UMODL1: variants seen among roughly 807,000 people sequenced by gnomAD.
UMODL1 encodes the protein uromodulin-like 1.
In UMODL1, 128 loss-of-function variants were observed where a neutral mutation model predicts 136.3. That is an observed-to-expected ratio of 0.94 (90% CI 0.81 to 1.09). UMODL1 has a LOEUF of 1.09. Among genes scored for constraint, UMODL1 ranks in the 50% least tolerant of loss-of-function variants. The pLI, the probability that UMODL1 is intolerant of heterozygous loss-of-function variation, is 0.00. For missense variants in UMODL1, 1,766 were observed against 1,725.6 expected, an observed-to-expected ratio of 1.02 and a Z score of -0.41; for synonymous variants, 721 against 720.0, an observed-to-expected ratio of 1.00 and a Z score of -0.02.
intron 2 of UMODL1, among the ~76,000 whole-genome samples, chr21:42,083,735 T>A (rs1230552858): frequency 6.6e-6 from 1 of 152,110 alleles, no homozygotes. Flanking sequence ...AAATATTGAA[T>A]GAATGAATGA....
In UMODL1 at chr21:42,099,569, A is replaced by T. The variant is rs990477916; in HGVS notation, c.1186+389A>T. Reference sequence around the variant, plus strand: ...CCTGCCCGCTTACCCAGCAGCACTGAGGCCGTCTAAGTTCCCTCCCCGAGA... The same window carrying T: ...CCTGCCCGCTTACCCAGCAGCACTGTGGCCGTCTAAGTTCCCTCCCCGAGA... On this transcript the variant is annotated intron_variant, in intron 7 of 22. Transcript: ENST00000408910. This position sits in a 1 kb window ranked among gnomAD's most constrained non-coding sequence, Gnocchi z 4.1. Among the ~76,000 whole-genome samples, 16 of 152,192 alleles carry T rather than the reference A, an allele frequency of 1.1e-4. No homozygotes were observed. The highest frequency in any genetic ancestry group is 1.5e-5 in the Non-Finnish European group (1 of 68,030).
rs778288858 is a variant in UMODL1 at position 42,115,874 on chromosome 21, A to C, written c.2364A>C (p.Ala788=). ...ATGTGCTTATCCTCCATCCTGCAGC[A>C]GCCCGGAAGCTCATTGGAAAGGTCA... ...GARAHLKVRT[A]ARKLIGKVRI... Residue 788 remains alanine, a splice_region_variant and synonymous_variant, in exon 14 of 23, where the codon GCA becomes GCC. Coordinates refer to ENST00000408910, the MANE Select transcript of UMODL1 (RefSeq NM_001004416.3). The C allele has an allele frequency of 6.2e-7, 1 of 1,613,642 alleles. No homozygotes were observed. Among genetic ancestry groups the C allele is most frequent in the Non-Finnish European group, 8.5e-7 (1 of 1,179,606 alleles).
At chr21:42,113,332 G>A (rs2066860951) in intron 12 of UMODL1, among the ~76,000 whole-genome samples, 1 of 151,938 alleles carries the variant, frequency 6.6e-6, no homozygotes, top group South Asian at 2.1e-4. Flanking sequence ...ACCATCTGCT[G>A]AAACAAAACA....
intron 9 of UMODL1, chr21:42,108,472 A>C (rs2066756188): frequency 2.2e-6 from 1 of 455,866 alleles, no homozygotes; most frequent in Admixed American, 2.4e-5. Context: ...GAAGCACAAC[A>C]GAAAAAAACC....
At chr21:42,087,176 C>T (rs970902171) in intron 4 of UMODL1, among the ~76,000 whole-genome samples, 4 of 152,160 alleles carry the variant, frequency 2.6e-5, no homozygotes, top group African/African-American at 9.7e-5. Flanking sequence ...CTCCAACCAG[C>T]CCATTACCCC....
At chr21:42,077,571 C>A (rs376711059) in intron 2 of UMODL1, among the ~76,000 whole-genome samples, 2 of 152,266 alleles carry the variant, frequency 1.3e-5, no homozygotes, top group African/African-American at 4.8e-5. Context: ...AGGTGATAGA[C>A]ACGAGGCTTT....
chr21:42,124,996 G>A (rs375667090), intron 17 of UMODL1, among the ~76,000 whole-genome samples: 2 of 152,162 alleles, frequency 1.3e-5, no homozygotes, highest in South Asian at 2.1e-4. Flanking sequence ...AAGCAGCCCC[G>A]TCCCTGTGGC....
chr21:42,104,850 A>C (rs2066693144), intron 9 of UMODL1, among the ~76,000 whole-genome samples: 1 of 152,210 alleles, frequency 6.6e-6, no homozygotes, highest in South Asian at 2.1e-4. Flanking sequence ...AGAGACAGAG[A>C]GATAAAGAGA....
intron 22 of UMODL1, among the ~76,000 whole-genome samples, chr21:42,139,912 C>T (rs903732211): frequency 2.6e-5 from 4 of 152,172 alleles, no homozygotes; most frequent in African/African-American, 9.7e-5. Flanking sequence ...CTCACATGGG[C>T]AGAATCACTT....
intron 20 of UMODL1, among the ~76,000 whole-genome samples, chr21:42,128,658 C>A (rs2123371872): frequency 6.6e-6 from 1 of 152,360 alleles, no homozygotes; most frequent in South Asian, 2.1e-4. Context: ...TGACAGCAGG[C>A]TGAGGGCCAC....
intron 22 of UMODL1, among the ~76,000 whole-genome samples, chr21:42,139,570 C>T (rs1231271733): frequency 1.3e-5 from 2 of 152,068 alleles, no homozygotes; most frequent in Non-Finnish European, 2.9e-5. Flanking sequence ...ACCCTCTCAG[C>T]CAACAGGAGA....
intron 22 of UMODL1, among the ~76,000 whole-genome samples, chr21:42,139,072 G>A (rs1311092151): frequency 6.6e-6 from 1 of 152,154 alleles, no homozygotes; most frequent in Non-Finnish European, 1.5e-5. Context: ...GGAGGCTGAG[G>A]TGGAAGGATC....
upstream of UMODL1, among the ~76,000 whole-genome samples, chr21:42,070,737 A>G (rs1157755783): frequency 1.3e-5 from 2 of 152,230 alleles, no homozygotes; most frequent in Non-Finnish European, 2.9e-5. Context: ...ATAATAGGTA[A>G]TGCACATCCC....
chr21:42,074,891 T>C (rs2066270022), intron 1 of UMODL1, among the ~76,000 whole-genome samples: 1 of 151,702 alleles, frequency 6.6e-6, no homozygotes, highest in African/African-American at 2.4e-5. Flanking sequence ...CAATTTTTTA[T>C]TTTATTTTTT....
upstream of UMODL1, among the ~76,000 whole-genome samples, chr21:42,069,314 A>C (rs1482997317): frequency 6.6e-6 from 1 of 151,928 alleles, no homozygotes; most frequent in Non-Finnish European, 1.5e-5. Context: ...ACAGAGGTTG[A>C]AGGAGACACC....
Position 42,137,529 on chromosome 21 carries a change from C to T in UMODL1, c.3866C>T (p.Thr1289Ile). The T allele has an allele frequency of 1.2e-6, 2 of 1,614,244 alleles. 1 individual carries two copies. The highest frequency in any genetic ancestry group is 3.3e-4 in the Middle Eastern group (2 of 6,060). The change falls in exon 22 of 23, where the codon ACC (threonine) becomes ATC (isoleucine). Residue 1289 changes from threonine to isoleucine, a missense_variant. Transcript: ENST00000408910. Reference protein sequence around the residue: ...AIFVLVAGTATLLIVRYQRMN... With the variant: ...AIFVLVAGTAILLIVRYQRMN... The stretch of plus-strand genomic sequence containing the variant: ...TTCGTGCTGGTGGCGGGAACAGCCA[C>T]CCTTCTGATCGTGCGCTACCAGAGA...
rs952546455 is a variant in UMODL1, at chr21:42,129,761, C to T, written c.3739C>T (p.His1247Tyr). The T allele has an allele frequency of 1.9e-6, 3 of 1,594,624 alleles. No homozygotes were observed. The highest frequency in any genetic ancestry group is 1.4e-5 in the African/African-American group (1 of 73,628). ...LLQNSETSAT[H>Y]QMSWGPLIRS... ...GCAAAATAGTGAAACCTCTGCCACA[C>T]ACCAGATGTCCTGGGGACCCCTCAT... Residue 1247 changes from histidine (H) to tyrosine (Y), a missense_variant, in exon 21 of 23, where the codon CAC becomes TAC. By Grantham distance (83) the His-to-Tyr change is moderately conservative (BLOSUM62 2). Transcript: ENST00000408910.
intron 6 of UMODL1, among the ~76,000 whole-genome samples, chr21:42,092,383 G>C (rs1010117909): frequency 7.8e-6 from 1 of 128,262 alleles, no homozygotes; most frequent in Non-Finnish European, 1.8e-5. Flanking sequence ...GCAGGGTTGA[G>C]GGTTTTTTTG....
At chr21:42,100,324 G>A (rs776105169) in intron 7 of UMODL1, among the ~76,000 whole-genome samples, 1 of 152,176 alleles carries the variant, frequency 6.6e-6, no homozygotes, top group Non-Finnish European at 1.5e-5. Flanking sequence ...ACTCACAGGG[G>A]TTAATGCTAG....
Sources: allele counts gnomAD v4.1 joint callset (sites outside exome capture counted in the v4.1 genomes callset), GRCh38; gene constraint gnomAD v4.1.1; non-coding constraint Gnocchi (gnomAD v3.1); transcripts MANE v1.5; gene names NCBI Gene and HGNC (gene_info 2026-07-23, HGNC 2026-07-21).